The following TRIM44 variants were observed in gnomAD, a reference collection of about 807,000 sequenced individuals.
TRIM44 encodes the protein tripartite motif containing 44, also known as tripartite motif-containing protein 44.
A neutral mutation model predicts 37.4 loss-of-function variants in TRIM44; 13 were observed. The ratio of observed to expected loss-of-function variants is 0.35; its 90% CI spans 0.23 to 0.55. The LOEUF (loss-of-function observed/expected upper bound fraction) is 0.55. Among genes scored for constraint, TRIM44 ranks in the 20% least tolerant of loss-of-function variants. The pLI is 0.89. For synonymous variants in TRIM44, 175 were observed against 157.2 expected (o/e 1.11, Z -0.85); for missense variants, 426 against 437.2 (o/e 0.97, Z 0.23).
At chr11:35,678,863 G>A (rs951344702) in intron 1 of TRIM44, among the ~76,000 whole-genome samples, 1 of 152,140 alleles carries the variant, frequency 6.6e-6, no homozygotes, top group Non-Finnish European at 1.5e-5. Flanking sequence ...GCCTCCCAAA[G>A]TGCTGGGATT....
chr11:35,663,029 G>A lies in TRIM44; in HGVS notation c.-83G>A. On this transcript the variant is annotated 5_prime_UTR_variant, in exon 1 of 5. Coordinates refer to ENST00000299413, the MANE Select transcript of TRIM44 (RefSeq NM_017583.6). ...GGCGACTCCCTAGGAAGGGACCCGGGGCGGGAGGAGGAAGTGAGGCCGCGC... is the reference window on the plus strand; with the variant it reads ...GGCGACTCCCTAGGAAGGGACCCGGAGCGGGAGGAGGAAGTGAGGCCGCGC... 2 of 1,437,558 alleles carry A rather than the reference G, an allele frequency of 1.4e-6. No individual in the cohort carries two copies. The highest frequency in any genetic ancestry group is 1.8e-6 in the Non-Finnish European group (2 of 1,101,498). 89.1% of individuals were successfully genotyped at this position (1,437,558 alleles called of 1,614,324 possible). A position where few individuals can be genotyped will look rare whatever the true frequency, so the allele number is the denominator to read the frequency against.
Position 35,663,712 on chromosome 11 carries a change from T to C in TRIM44, c.601T>C (p.Cys201Arg). The C allele has an allele frequency of 1.9e-6, 3 of 1,614,120 alleles. No homozygotes were observed. Among genetic ancestry groups the C allele is most frequent in the Non-Finnish European group, 2.5e-6 (3 of 1,180,022 alleles). ...AGATAGGCAGCTCATCTGTGTCCTG[T>C]GTCCAGTCATTGGGGCTCACCAGGG... ...QEDRQLICVLCPVIGAHQGHQ... is the reference protein window; with the variant it reads ...QEDRQLICVLRPVIGAHQGHQ... The change falls in exon 1 of 5, where the codon TGT (cysteine) becomes CGT (arginine). Residue 201 changes from cysteine (C) to arginine (R), a missense_variant. Transcript: ENST00000299413.
Position 35,663,899 on chromosome 11 carries a change from A to G in TRIM44, c.669+119A>G, listed in dbSNP as rs1211245366. On this transcript the variant is annotated intron_variant, in intron 1 of 4. Coordinates refer to ENST00000299413, the MANE Select transcript of TRIM44 (RefSeq NM_017583.6). ...TGTCCCTAAGAAGCTAGTCTTTCCAACTTTTTGGGAGCAGTTCTTATTCAC... is the reference window on the plus strand; with the variant it reads ...TGTCCCTAAGAAGCTAGTCTTTCCAGCTTTTTGGGAGCAGTTCTTATTCAC... The G allele has an allele frequency of 5.8e-6, 7 of 1,216,574 alleles. No homozygotes were observed. The Admixed American group carries it at 9.8e-5, about 17-fold the overall frequency. The allele number at this position is 1,216,574 out of a possible 1,614,324, so 75.4% of individuals were successfully genotyped here. A position where few individuals can be genotyped will look rare whatever the true frequency, so the allele number is the denominator to read the frequency against.
intron 4 of TRIM44, among the ~76,000 whole-genome samples, chr11:35,787,113 G>T (rs1853140607): frequency 6.6e-6 from 1 of 152,288 alleles, no homozygotes; most frequent in Non-Finnish European, 1.5e-5. Context: ...TGACCTCTGG[G>T]AAAGCGGTGT....
chr11:35,789,618 C>T (rs1036129250), intron 4 of TRIM44, among the ~76,000 whole-genome samples: 1 of 152,188 alleles, frequency 6.6e-6, no homozygotes, highest in Non-Finnish European at 1.5e-5. Context: ...CTCCTCTTAG[C>T]CTAAAAGGCA....
chr11:35,747,351 T>C (rs1365189952), intron 4 of TRIM44, among the ~76,000 whole-genome samples: 1 of 152,212 alleles, frequency 6.6e-6, no homozygotes, highest in Non-Finnish European at 1.5e-5. Context: ...TTTTTGTTTG[T>C]GTATATGAAG....
At chr11:35,759,389 T>G (rs1852692638) in intron 4 of TRIM44, among the ~76,000 whole-genome samples, 1 of 152,210 alleles carries the variant, frequency 6.6e-6, no homozygotes, top group African/African-American at 2.4e-5. Flanking sequence ...GTTATTCTAG[T>G]TAGCCATTCG....
chr11:35,688,769 A>C (rs1172662843), intron 2 of TRIM44, among the ~76,000 whole-genome samples: 1 of 152,148 alleles, frequency 6.6e-6, no homozygotes, highest in African/African-American at 2.4e-5. Flanking sequence ...CCACCTCCAG[A>C]GTTTTTTATT....
intron 4 of TRIM44, among the ~76,000 whole-genome samples, chr11:35,798,772 A>AT (rs1463291426): frequency 6.6e-6 from 1 of 152,222 alleles, no homozygotes; most frequent in Non-Finnish European, 1.5e-5. Context: ...GACATTCATG[A>AT]TTGATAACTG....
At chr11:35,713,039 C>G (rs1271393238) in intron 2 of TRIM44, among the ~76,000 whole-genome samples, 1 of 152,186 alleles carries the variant, frequency 6.6e-6, no homozygotes, top group Non-Finnish European at 1.5e-5. Context: ...TCTCGGTCTA[C>G]CTCAGATCTA....
chr11:35,763,112 A>G (rs750081260), intron 4 of TRIM44, among the ~76,000 whole-genome samples: 13 of 152,116 alleles, frequency 8.5e-5, no homozygotes, highest in Non-Finnish European at 1.8e-4. Flanking sequence ...CTTCTCCTTT[A>G]TTCTAAGACC....
intron 4 of TRIM44, among the ~76,000 whole-genome samples, chr11:35,777,599 G>T (rs1050488139): frequency 6.6e-6 from 1 of 152,172 alleles, no homozygotes; most frequent in African/African-American, 2.4e-5. Context: ...ACCATAGGTT[G>T]TTCCTTTCCA....
At chr11:35,733,713 T>C (rs1483106044) in intron 3 of TRIM44, among the ~76,000 whole-genome samples, 1 of 152,144 alleles carries the variant, frequency 6.6e-6, no homozygotes, top group Non-Finnish European at 1.5e-5. Flanking sequence ...CTTTACAGGC[T>C]TGCACCCTGG....
At chr11:35,802,883 G>A (rs1247907275) in intron 4 of TRIM44, among the ~76,000 whole-genome samples, 2 of 152,082 alleles carry the variant, frequency 1.3e-5, no homozygotes, top group African/African-American at 4.8e-5. Flanking sequence ...ATATTTGAAG[G>A]GTATTTGGGG....
At chr11:35,774,851 T>G (rs539247238) in intron 4 of TRIM44, among the ~76,000 whole-genome samples, 24 of 152,322 alleles carry the variant, frequency 1.6e-4, no homozygotes, top group South Asian at 1.2e-3. Context: ...ACCAGTACCA[T>G]GCTGTTTTGC....
rs570700221 is a variant in TRIM44 at position 35,783,382 on chromosome 11, A to G, written c.1008-22976A>G. 1.9e-3 allele frequency among the ~76,000 whole-genome samples: 285 copies of G among 152,162 alleles called. 2 individuals are homozygous for G. The highest frequency in any genetic ancestry group is 6.6e-3 in the African/African-American group (274 of 41,504). On this transcript the variant is annotated intron_variant, in intron 4 of 4. Transcript: ENST00000299413. ...CCCAGAGCCCTTGAAGCCACTCTAT[A>G]CCCCTGTTACTTCTTTTAATTTATG...
At chr11:35,770,979 T>C (rs1348334158) in intron 4 of TRIM44, among the ~76,000 whole-genome samples, 1 of 152,214 alleles carries the variant, frequency 6.6e-6, no homozygotes, top group Non-Finnish European at 1.5e-5. Flanking sequence ...GTCTCAGTTA[T>C]GTCTTTATCA....
intron 4 of TRIM44, among the ~76,000 whole-genome samples, chr11:35,786,828 G>C (rs1853137031): frequency 6.6e-6 from 1 of 152,104 alleles, no homozygotes; most frequent in Non-Finnish European, 1.5e-5. Context: ...CAGCAGGAGA[G>C]TGGTTGGCAG....
chr11:35,793,201 TC>T (rs1262650902), intron 4 of TRIM44, among the ~76,000 whole-genome samples: 1 of 149,374 alleles, frequency 6.7e-6, no homozygotes, highest in African/African-American at 2.5e-5. Context: ...CTGTGCGGCT[TC>T]TTTTTTAAAA....
Sources: gnomAD v4.1 joint callset for allele counts (sites outside exome capture counted in the v4.1 genomes callset) on GRCh38, gnomAD v4.1.1 for gene constraint, MANE v1.5 for transcripts, NCBI Gene and HGNC (gene_info 2026-07-23, HGNC 2026-07-21) for gene names.